The following APIP variants were observed in gnomAD, a reference collection of about 807,000 sequenced individuals.
APIP encodes methylthioribulose-1-phosphate dehydratase.
In APIP, 32 loss-of-function variants were observed where a neutral mutation model predicts 32.0. The observed-to-expected ratio is 1.00, with a 90% confidence interval of 0.76 to 1.34. The LOEUF is 1.34. APIP is among the 40% of genes most tolerant of loss of function. APIP has a pLI of 0.00. For missense variants in APIP, 247 were observed against 298.6 expected (o/e 0.83, Z 1.27); for synonymous variants, 92 against 94.8 (o/e 0.97, Z 0.17).
At chr11:34,906,716 G>C (rs960660835) in intron 1 of APIP, among the ~76,000 whole-genome samples, 1 of 152,172 alleles carries the variant, frequency 6.6e-6, no homozygotes, top group Non-Finnish European at 1.5e-5. Flanking sequence ...TAGTAAAGCA[G>C]AGGAAAATCT....
chr11:34,888,456 C>T (rs1357496788), intron 4 of APIP, 28 bp from the exon 5 acceptor site: 4 of 1,597,428 alleles, frequency 2.5e-6, no homozygotes, highest in Non-Finnish European at 3.4e-6. Flanking sequence ...AAGCCGCATG[C>T]TCAATGAAGA....
intron 2 of APIP, among the ~76,000 whole-genome samples, chr11:34,894,182 T>C (rs1012617563): frequency 1.3e-5 from 2 of 152,176 alleles, no homozygotes; most frequent in African/African-American, 4.8e-5. Context: ...CAATGAGCAA[T>C]TGAATACTAT....
chr11:34,885,300 T>C (rs1004265888), intron 5 of APIP, among the ~76,000 whole-genome samples: 9 of 150,260 alleles, frequency 6.0e-5, no homozygotes, highest in African/African-American at 2.2e-4. Flanking sequence ...TAAAGGTATA[T>C]ATATACACAT....
At chr11:34,911,947 G>A (rs1251665463) in intron 1 of APIP, among the ~76,000 whole-genome samples, 1 of 152,100 alleles carries the variant, frequency 6.6e-6, no homozygotes, top group Non-Finnish European at 1.5e-5. Flanking sequence ...AACTGCCCAA[G>A]TTTCTGAAAA....
At chr11:34,884,896 G>A (rs1025162490) in intron 5 of APIP, among the ~76,000 whole-genome samples, 4 of 151,798 alleles carry the variant, frequency 2.6e-5, no homozygotes, top group Admixed American at 6.6e-5. Context: ...AACTGAAAGC[G>A]AATTCAAGCC....
Position 34,887,546 on chromosome 11 carries a change from T to C in APIP, c.461+747A>G, listed in dbSNP as rs148822448. On this transcript the variant is annotated intron_variant, in intron 5 of 6. Transcript: ENST00000395787. The stretch of plus-strand genomic sequence containing the variant: ...CATTCCATTACATGCAGTAAGAATA[T>C]GATATTGTGGTAATAACACTTTAGT... 3.4e-3 allele frequency among the ~76,000 whole-genome samples: 512 copies of C among 152,322 alleles called. 4 individuals carry two copies. The highest frequency in any genetic ancestry group is 5.6e-3 in the Admixed American group (86 of 15,292).
intron 2 of APIP, among the ~76,000 whole-genome samples, chr11:34,892,017 T>TAGG (rs1853193810): frequency 6.6e-6 from 1 of 152,150 alleles, no homozygotes; most frequent in Non-Finnish European, 1.5e-5. Context: ...TGCTGGTAAG[T>TAGG]AAAACCCATC....
intron 2 of APIP, among the ~76,000 whole-genome samples, chr11:34,893,614 A>ATGGTAAGAGAGGAGGCT (rs1853215169): frequency 6.6e-6 from 1 of 152,224 alleles, no homozygotes; most frequent in Non-Finnish European, 1.5e-5. Context: ...GAGAGGAGGC[A>ATGGTAAGAGAGGAGGCT]CAGATGGATT....
intron 1 of APIP, among the ~76,000 whole-genome samples, chr11:34,901,003 C>G (rs574425740): frequency 6.7e-6 from 1 of 149,524 alleles, no homozygotes; most frequent in South Asian, 2.1e-4. Flanking sequence ...GTTTATTACA[C>G]AGGTAGCTCC....
At chr11:34,911,556 C>T (rs1590716232) in intron 1 of APIP, among the ~76,000 whole-genome samples, 3 of 152,162 alleles carry the variant, frequency 2.0e-5, no homozygotes, top group East Asian at 1.9e-4. Context: ...ATTTGGTCTA[C>T]GCAATGCTTA....
At chr11:34,901,005 G>A (rs1358158654) in intron 1 of APIP, among the ~76,000 whole-genome samples, 1 of 150,754 alleles carries the variant, frequency 6.6e-6, no homozygotes, top group Non-Finnish European at 1.5e-5. Flanking sequence ...TTATTACACA[G>A]GTAGCTCCCA....
At chr11:34,903,926 A>G (rs1437357503) in intron 1 of APIP, among the ~76,000 whole-genome samples, 1 of 152,236 alleles carries the variant, frequency 6.6e-6, no homozygotes, top group Non-Finnish European at 1.5e-5. Context: ...GATAAAACTT[A>G]TCAACGTGCC....
At chr11:34,899,861 T>C (rs1049536390) in intron 1 of APIP, among the ~76,000 whole-genome samples, 3 of 152,236 alleles carry the variant, frequency 2.0e-5, no homozygotes, top group African/African-American at 4.8e-5. Flanking sequence ...CCCTGGGTCA[T>C]ATACAGAAAG....
At chr11:34,914,243 T>G (rs1476210634) in intron 1 of APIP, among the ~76,000 whole-genome samples, 1 of 152,222 alleles carries the variant, frequency 6.6e-6, no homozygotes, top group Non-Finnish European at 1.5e-5. Flanking sequence ...CTTTGCTAAT[T>G]TGTCTCTTCC....
At chr11:34,914,550 A>C (rs1346043651) in intron 1 of APIP, among the ~76,000 whole-genome samples, 1 of 152,208 alleles carries the variant, frequency 6.6e-6, no homozygotes, top group Non-Finnish European at 1.5e-5. Context: ...TAGATATGCA[A>C]ATCCAGTGTG....
intron 1 of APIP, 162 bp downstream of exon 1, chr11:34,916,066 G>T: frequency 1.1e-6 from 1 of 943,474 alleles, no homozygotes; most frequent in South Asian, 1.7e-5. Flanking sequence ...CCTTGCTTCC[G>T]AACGCCAAGG....
At chr11:34,884,391 C>T (rs568801131) in intron 5 of APIP, among the ~76,000 whole-genome samples, 20 of 152,138 alleles carry the variant, frequency 1.3e-4, no homozygotes, top group Non-Finnish European at 2.9e-4. Context: ...ATAGAGTTGC[C>T]CATCACTTCA....
chr11:34,906,655 A>C (rs1056002950), intron 1 of APIP, among the ~76,000 whole-genome samples: 1 of 152,214 alleles, frequency 6.6e-6, no homozygotes, highest in African/African-American at 2.4e-5. Context: ...CTGAAGTAGG[A>C]GGTACCTGTG....
rs1207184215 is a variant in APIP at position 34,895,664 on chromosome 11, T to G, written c.58-554A>C. On this transcript the variant is annotated intron_variant, in intron 1 of 6. Coordinates refer to ENST00000395787, the MANE Select transcript of APIP (RefSeq NM_015957.4). ...ATTATAGAAAATAAAGTGAAGCAAATTACAAAAAACACTAAGAAACAACCT... is the reference window on the plus strand; with the variant it reads ...ATTATAGAAAATAAAGTGAAGCAAAGTACAAAAAACACTAAGAAACAACCT... Among the ~76,000 whole-genome samples, 5 of 152,150 alleles carry G rather than the reference T, an allele frequency of 3.3e-5. No homozygotes were observed. The East Asian group carries it at 7.7e-4, about 23-fold the overall frequency.
Sources: gnomAD v4.1 joint callset for allele counts (sites outside exome capture counted in the v4.1 genomes callset) on GRCh38, gnomAD v4.1.1 for gene constraint, MANE v1.5 for transcripts, NCBI Gene and HGNC (gene_info 2026-07-23, HGNC 2026-07-21) for gene names.